The following OPCML variants were observed in gnomAD, a reference collection of about 807,000 sequenced individuals.
OPCML encodes opioid binding protein/cell adhesion molecule like.
Under a neutral mutation model 37.8 loss-of-function variants are expected in OPCML, and 13 were observed. The ratio of observed to expected loss-of-function variants is 0.34; its 90% CI spans 0.22 to 0.55. The LOEUF (loss-of-function observed/expected upper bound fraction) is 0.55, where lower values mean the gene tolerates loss of function less well. Among genes scored for constraint, OPCML ranks in the 20% least tolerant of loss-of-function variants. OPCML has a pLI of 0.91. For synonymous variants in OPCML, 176 were observed against 168.8 expected (o/e 1.04, Z -0.33); for missense variants, 341 against 435.6 (o/e 0.78, Z 1.93).
At chr11:133,061,019 G>C (rs557178732) in intron 1 of OPCML, among the ~76,000 whole-genome samples, 2 of 152,314 alleles carry the variant, frequency 1.3e-5, no homozygotes, top group South Asian at 4.1e-4. Context: ...AATAGTTTTT[G>C]TTTGATTTTA....
At chr11:133,254,022 C>T (rs1342474221) in intron 1 of OPCML, among the ~76,000 whole-genome samples, 4 of 152,054 alleles carry the variant, frequency 2.6e-5, no homozygotes, top group African/African-American at 9.7e-5. Context: ...TGATGCTGGT[C>T]CTATCTTCAA....
At chr11:132,873,480 C>A (rs1469634481) in intron 2 of OPCML, among the ~76,000 whole-genome samples, 1 of 151,982 alleles carries the variant, frequency 6.6e-6, no homozygotes, top group East Asian at 1.9e-4. Context: ...ACAAGTCCAC[C>A]CTTGTTATTT....
intron 3 of OPCML, among the ~76,000 whole-genome samples, chr11:132,581,309 A>T (rs1027833010): frequency 1.2e-4 from 18 of 152,168 alleles, no homozygotes; most frequent in African/African-American, 4.3e-4. Context: ...CAACTAAACA[A>T]ATCAACCACA....
At chr11:133,500,457 T>A (rs968789797) in intron 1 of OPCML, among the ~76,000 whole-genome samples, 1 of 152,230 alleles carries the variant, frequency 6.6e-6, no homozygotes, top group Non-Finnish European at 1.5e-5. Context: ...AATACTCCAA[T>A]GTCATTTCAC....
At chr11:132,636,939 G>A (rs564559488) in intron 3 of OPCML, among the ~76,000 whole-genome samples, 65 of 152,190 alleles carry the variant, frequency 4.3e-4, no homozygotes, top group African/African-American at 1.5e-3. Flanking sequence ...GTTCTAATAC[G>A]TTAGTAGAAA....
At chr11:132,803,081 G>A (rs56195105) in intron 2 of OPCML, among the ~76,000 whole-genome samples, 2,555 of 152,142 alleles carry the variant, frequency 0.017, 73 homozygotes, top group African/African-American at 0.058. Flanking sequence ...TCCTGGACAC[G>A]ATAACATCCT....
At chr11:133,510,142 C>T (rs1948123639) in intron 1 of OPCML, among the ~76,000 whole-genome samples, 2 of 152,278 alleles carry the variant, frequency 1.3e-5, no homozygotes, top group South Asian at 4.1e-4. Flanking sequence ...TCCTGACACA[C>T]AAGTTTGAGC....
intron 2 of OPCML, among the ~76,000 whole-genome samples, chr11:132,661,831 T>C (rs1399824501): frequency 1.3e-5 from 2 of 152,228 alleles, no homozygotes. Context: ...TCTATCCTAA[T>C]AACTACCCTT....
At chr11:133,194,477 TG>T (rs1938456874) in intron 1 of OPCML, among the ~76,000 whole-genome samples, 2 of 152,296 alleles carry the variant, frequency 1.3e-5, no homozygotes, top group African/African-American at 4.8e-5. Context: ...CCCAAAGTGC[TG>T]GGATTACAGG....
chr11:133,100,859 G>A (rs1001766107), intron 1 of OPCML, among the ~76,000 whole-genome samples: 4 of 152,098 alleles, frequency 2.6e-5, no homozygotes, highest in African/African-American at 7.2e-5. Context: ...ACTATAAAAC[G>A]CCCAGGAGAT....
intron 3 of OPCML, among the ~76,000 whole-genome samples, chr11:132,608,986 G>A (rs984593989): frequency 1.3e-4 from 20 of 151,958 alleles, no homozygotes; most frequent in African/African-American, 4.6e-4. Flanking sequence ...TTCTGGAATA[G>A]TACAACAGGC....
At position 132,416,702 on chromosome 11, in the gene OPCML, CCTTTT is replaced by C. The variant is rs972927297; in HGVS notation, c.*3486_*3490del. On this transcript the variant is annotated 3_prime_UTR_variant, in exon 8 of 8. Coordinates refer to ENST00000524381, the MANE Select transcript of OPCML (RefSeq NM_001012393.5). ...GGCCTCTTTGTGACACAACACCTTA[CCTTTT>C]CTTCTGTTTCGTGGAGCACAGTTGC... is the stretch of plus-strand genomic sequence containing the variant. 1.3e-5 allele frequency: 2 copies of C among 152,208 alleles called. No individual in the cohort carries two copies. The highest frequency in any genetic ancestry group is 4.8e-5 in the African/African-American group (2 of 41,442). 9.4% of individuals were successfully genotyped at this position (152,208 alleles called of 1,614,324 possible).
At chr11:133,242,996 C>T (rs939827590) in intron 1 of OPCML, among the ~76,000 whole-genome samples, 8 of 152,172 alleles carry the variant, frequency 5.3e-5, no homozygotes, top group African/African-American at 1.9e-4. Context: ...GTGGTCTCTG[C>T]TTTCTGTCTC....
chr11:133,529,821 A>C (rs1948567003), intron 1 of OPCML, among the ~76,000 whole-genome samples: 1 of 152,206 alleles, frequency 6.6e-6, no homozygotes, highest in Non-Finnish European at 1.5e-5. Context: ...AGGAAGTAAA[A>C]GAAAAGAGAA....
intron 2 of OPCML, among the ~76,000 whole-genome samples, chr11:132,901,864 A>G (rs1341169910): frequency 3.9e-5 from 6 of 151,910 alleles, no homozygotes; most frequent in African/African-American, 1.2e-4. Flanking sequence ...CCTTAAAAAT[A>G]TATGTAAACT....
chr11:132,978,137 C>T lies in OPCML; in HGVS notation c.62-35127G>A, dbSNP rs1946504766. The stretch of plus-strand genomic sequence containing the variant: ...AGGACCTCTGTCTGATAGTGGCAGA[C>T]AGGGACATCACCTTCACAGCACAGG... On this transcript the variant is annotated intron_variant, in intron 1 of 7. Transcript: ENST00000524381. Among the ~76,000 whole-genome samples the T allele has an allele frequency of 3.3e-5, 5 of 152,128 alleles. No homozygotes were observed. In the South Asian group the frequency reaches 1.0e-3, roughly 32 times the overall value.
chr11:132,538,750 G>T (rs2096347611), intron 3 of OPCML, among the ~76,000 whole-genome samples: 1 of 151,970 alleles, frequency 6.6e-6, no homozygotes, highest in Non-Finnish European at 1.5e-5. Context: ...CTCATTACTT[G>T]CCCACTGTTT....
chr11:133,077,930 G>A (rs1379660366), intron 1 of OPCML, among the ~76,000 whole-genome samples: 1 of 152,180 alleles, frequency 6.6e-6, no homozygotes, highest in East Asian at 1.9e-4. Context: ...TGGAAAGCTG[G>A]ATAATGGCAA....
chr11:132,847,398 C>T (rs75667913), intron 2 of OPCML, among the ~76,000 whole-genome samples: 3,154 of 152,046 alleles, frequency 0.021, 41 homozygotes, highest in Non-Finnish European at 0.033. Flanking sequence ...TTAATTTGTA[C>T]GTAGTTATTC....
Sources: allele counts gnomAD v4.1 joint callset (sites outside exome capture counted in the v4.1 genomes callset), GRCh38; gene constraint gnomAD v4.1.1; transcripts MANE v1.5; gene names NCBI Gene and HGNC (gene_info 2026-07-23, HGNC 2026-07-21).